COBL: variants seen among roughly 807,000 people sequenced by gnomAD.
COBL encodes cordon-bleu WH2 repeat protein.
Under a neutral mutation model 98.8 loss-of-function variants are expected in COBL, and 51 were observed. The observed-to-expected ratio is 0.52, with a 90% CI of 0.41 to 0.65. The LOEUF (loss-of-function observed/expected upper bound fraction) is 0.65. COBL is among the 30% of genes least tolerant of loss of function. The pLI is 0.00. For missense variants in COBL, 1,617 were observed against 1,617.5 expected, an observed-to-expected ratio of 1.00 and a Z score of 0.01; for synonymous variants, 634 against 651.7, an observed-to-expected ratio of 0.97 and a Z score of 0.41.
At chr7:51,075,129 T>C (rs1792942050) in intron 7 of COBL, among the ~76,000 whole-genome samples, 1 of 152,366 alleles carries the variant, frequency 6.6e-6, no homozygotes, top group East Asian at 1.9e-4. Context: ...GAATTGATCA[T>C]GGTTTTTGGA....
intron 2 of COBL, among the ~76,000 whole-genome samples, chr7:51,200,670 A>G (rs1403095702): frequency 6.6e-6 from 1 of 152,184 alleles, no homozygotes; most frequent in Non-Finnish European, 1.5e-5. Flanking sequence ...ATCAAAGTAC[A>G]CTGCTACGAT....
intron 5 of COBL, among the ~76,000 whole-genome samples, chr7:51,142,828 A>G (rs1001002916): frequency 1.1e-4 from 17 of 152,218 alleles, no homozygotes; most frequent in African/African-American, 3.4e-4. Context: ...GAAAGGCAGA[A>G]GTTTCTGAAA....
At chr7:51,258,873 T>G (rs1233669522) in intron 1 of COBL, among the ~76,000 whole-genome samples, 3 of 152,198 alleles carry the variant, frequency 2.0e-5, no homozygotes, top group Admixed American at 2.0e-4. Context: ...TCTTTAAGCT[T>G]ATAACTCTTA....
intron 1 of COBL, among the ~76,000 whole-genome samples, chr7:51,253,585 T>TG (rs1326165910): frequency 1.3e-5 from 2 of 152,166 alleles, no homozygotes; most frequent in African/African-American, 4.8e-5. Context: ...AAAAGGAGAG[T>TG]GAGAGAATTC....
chr7:51,136,429 G>T (rs935609744), intron 5 of COBL, 98 bp from the exon 6 acceptor site: 1 of 1,252,976 alleles, frequency 8.0e-7, no homozygotes, highest in African/African-American at 1.5e-5. Context: ...CCGTCCACCT[G>T]AGCTTGAACG....
intron 1 of COBL, among the ~76,000 whole-genome samples, chr7:51,261,941 T>G (rs561162645): frequency 6.6e-6 from 1 of 151,826 alleles, no homozygotes; most frequent in East Asian, 1.9e-4. Context: ...AGAGTGAAAC[T>G]CCATCTCAAA....
intron 5 of COBL, among the ~76,000 whole-genome samples, chr7:51,175,400 C>G (rs1393135135): frequency 6.6e-6 from 1 of 152,168 alleles, no homozygotes; most frequent in East Asian, 1.9e-4. Context: ...CCTTAAACCC[C>G]CAGAAAAACT....
chr7:51,018,905 A>AATATAT (rs71018490), intron 12 of COBL, among the ~76,000 whole-genome samples: 46 of 34,368 alleles, frequency 1.3e-3, no homozygotes, highest in East Asian at 3.8e-3. Flanking sequence ...AAAAAAAAAA[A>AATATAT]ATATATATAT....
chr7:51,144,532 C>T (rs1350540053), intron 5 of COBL, among the ~76,000 whole-genome samples: 1 of 152,196 alleles, frequency 6.6e-6, no homozygotes, highest in Non-Finnish European at 1.5e-5. Context: ...ATTATGATAA[C>T]AAAATGTGTG....
Position 51,176,054 on chromosome 7 carries a change from G to A in COBL, c.783+8048C>T, listed in dbSNP as rs1040658854. ...GAGAAGCTGAGACCCTAGGGAATAC[G>A]CTAGACAGGACAGATGGGGCTTGTA... is the stretch of plus-strand genomic sequence containing the variant. On this transcript the variant is annotated intron_variant, in intron 5 of 12. Coordinates refer to ENST00000265136, the MANE Select transcript of COBL (RefSeq NM_015198.5). 3.3e-5 allele frequency among the ~76,000 whole-genome samples: 5 copies of A among 152,256 alleles called. No homozygotes were observed. The South Asian group carries it at 6.2e-4, about 19-fold the overall frequency.
At chr7:51,102,109 C>T (rs1389270807) in intron 6 of COBL, among the ~76,000 whole-genome samples, 1 of 152,166 alleles carries the variant, frequency 6.6e-6, no homozygotes, top group East Asian at 1.9e-4. Flanking sequence ...GCGCCATGAT[C>T]GTGGACTTTC....
intron 8 of COBL, among the ~76,000 whole-genome samples, chr7:51,039,812 C>T (rs758641780): frequency 3.3e-5 from 5 of 152,196 alleles, no homozygotes; most frequent in Non-Finnish European, 7.3e-5. Context: ...ACCCTGAGTG[C>T]CTGAATTGGT....
At position 51,110,658 on chromosome 7, in the gene COBL, A is replaced by ATTTGTTGTCTTT. The variant is rs1796742088; in HGVS notation, c.958-25355_958-25354insAAAGACAACAAA. ...TCACCCAAGCGGTATATACTGCACCATATTTGTTGTCTTTTATCCCTTAAC... is the reference window on the plus strand; with the variant it reads ...TCACCCAAGCGGTATATACTGCACCATTTGTTGTCTTTTATTTGTTGTCTTTTATCCCTTAAC... On this transcript the variant is annotated intron_variant, in intron 6 of 12. Transcript: ENST00000265136. 3.9e-5 allele frequency among the ~76,000 whole-genome samples: 6 copies of ATTTGTTGTCTTT among 152,310 alleles called. No homozygotes were observed. In the South Asian group the frequency reaches 1.2e-3, roughly 32 times the overall value.
intron 1 of COBL, among the ~76,000 whole-genome samples, chr7:51,294,393 G>A (rs1475412351): frequency 6.6e-6 from 1 of 151,472 alleles, no homozygotes; most frequent in Non-Finnish European, 1.5e-5. Flanking sequence ...AGTACTTTAG[G>A]AGGCCAAGGC....
At chr7:51,154,735 A>C (rs1322185844) in intron 5 of COBL, among the ~76,000 whole-genome samples, 1 of 152,192 alleles carries the variant, frequency 6.6e-6, no homozygotes, top group Non-Finnish European at 1.5e-5. Context: ...TTTTCACAAA[A>C]CACTCAAGAA....
chr7:51,295,003 C>T (rs945611313), intron 1 of COBL, among the ~76,000 whole-genome samples: 1 of 151,838 alleles, frequency 6.6e-6, no homozygotes, highest in Non-Finnish European at 1.5e-5. Context: ...ACCTAAATGA[C>T]GGGCCGGGCA....
intron 5 of COBL, among the ~76,000 whole-genome samples, chr7:51,175,840 A>T (rs1158612668): frequency 1.3e-5 from 2 of 152,184 alleles, no homozygotes; most frequent in Admixed American, 6.5e-5. Context: ...GCTCCATTAT[A>T]AGACTTGCTT....
At chr7:51,025,961 A>G (rs2285840) in intron 11 of COBL, among the ~76,000 whole-genome samples, 26,369 of 152,128 alleles carry the variant, frequency 0.17, 2,542 homozygotes, top group Admixed American at 0.24. Flanking sequence ...TGACCTCATG[A>G]CTTTTCTTGG....
intron 7 of COBL, among the ~76,000 whole-genome samples, chr7:51,082,562 TAC>T (rs1329727684): frequency 6.6e-5 from 10 of 152,350 alleles, no homozygotes; most frequent in African/African-American, 2.4e-4. Flanking sequence ...CCCCTTCTCG[TAC>T]ACCTCAGTTT....
Sources: allele counts gnomAD v4.1 joint callset (sites outside exome capture counted in the v4.1 genomes callset), GRCh38; gene constraint gnomAD v4.1.1; transcripts MANE v1.5; gene names NCBI Gene and HGNC (gene_info 2026-07-23, HGNC 2026-07-21).